The following RIT2 variants were observed in gnomAD, a reference collection of about 807,000 sequenced individuals.
RIT2 encodes GTP-binding protein Rit2.
Under a neutral mutation model 23.7 loss-of-function variants are expected in RIT2, and 24 were observed. That is an observed-to-expected ratio of 1.01 (90% CI 0.73 to 1.43). The LOEUF is 1.43. RIT2 is among the 40% of genes most tolerant of loss of function. The probability of loss-of-function intolerance (pLI) is 0.00; values close to 1 mark genes in which losing one functional copy is unlikely to be tolerated. For synonymous variants in RIT2, 107 were observed against 91.1 expected (o/e 1.17, Z -0.99); for missense variants, 236 against 266.9 (o/e 0.88, Z 0.81).
At chr18:43,105,604 A>T (rs1913804780) in intron 1 of RIT2, among the ~76,000 whole-genome samples, 1 of 151,928 alleles carries the variant, frequency 6.6e-6, no homozygotes. Flanking sequence ...CTACCCAGCA[A>T]TTCTCTGAGG....
chr18:42,969,197 T>G (rs1910305340), intron 3 of RIT2, among the ~76,000 whole-genome samples: 1 of 152,164 alleles, frequency 6.6e-6, no homozygotes, highest in African/African-American at 2.4e-5. Context: ...TGATTTGGAA[T>G]TTTATTTCCA....
intron 4 of RIT2, among the ~76,000 whole-genome samples, chr18:42,843,612 C>T (rs1488203097): frequency 6.6e-6 from 1 of 152,142 alleles, no homozygotes; most frequent in Non-Finnish European, 1.5e-5. Context: ...TAAGTCTGTT[C>T]ATTTATCATT....
chr18:43,045,838 T>G (rs1374613168), intron 1 of RIT2, among the ~76,000 whole-genome samples: 1 of 152,032 alleles, frequency 6.6e-6, no homozygotes. Context: ...CCATAGTCCT[T>G]CATGAAAAAA....
At position 42,802,076 on chromosome 18, in the gene RIT2, C is replaced by A. The variant is rs116272278; in HGVS notation, c.427-58356G>T. ...AGGCATGAAAACAATGCAAGAAACA[C>A]AAATCATGAAGCCCACATGCAGAAA... On this transcript the variant is annotated intron_variant, in intron 4 of 4. Transcript: ENST00000326695. 2.7e-3 allele frequency among the ~76,000 whole-genome samples: 414 copies of A among 152,188 alleles called. 4 individuals are homozygous for A. Among genetic ancestry groups the A allele is most frequent in the African/African-American group, 9.5e-3 (393 of 41,518 alleles).
intron 1 of RIT2, among the ~76,000 whole-genome samples, chr18:43,086,197 CT>C (rs1428784239): frequency 6.6e-6 from 1 of 152,100 alleles, no homozygotes; most frequent in South Asian, 2.1e-4. Context: ...ATGAGCATAT[CT>C]TTTGAGTGTC....
chr18:42,795,313 G>A (rs936148681), intron 4 of RIT2, among the ~76,000 whole-genome samples: 2 of 152,230 alleles, frequency 1.3e-5, no homozygotes, highest in Non-Finnish European at 2.9e-5. Flanking sequence ...TTCCGGGTGG[G>A]CGTGGGCTTG....
chr18:42,966,454 C>A (rs913410526), intron 3 of RIT2, among the ~76,000 whole-genome samples: 43 of 151,814 alleles, frequency 2.8e-4, no homozygotes, highest in African/African-American at 1.0e-3. Context: ...TCTAATTTGG[C>A]AAATTTAGTA....
intron 4 of RIT2, among the ~76,000 whole-genome samples, chr18:42,744,223 C>T (rs1287299189): frequency 6.6e-6 from 1 of 152,120 alleles, no homozygotes; most frequent in Non-Finnish European, 1.5e-5. Flanking sequence ...GGACTCAGCC[C>T]GCCTGCACCC....
At chr18:43,074,519 A>G (rs1253296736) in intron 1 of RIT2, among the ~76,000 whole-genome samples, 2 of 152,176 alleles carry the variant, frequency 1.3e-5, no homozygotes, top group Non-Finnish European at 2.9e-5. Flanking sequence ...AATTTACCCA[A>G]ACTGGGATCT....
chr18:42,910,643 T>C (rs1466725969), intron 4 of RIT2, among the ~76,000 whole-genome samples: 1 of 152,068 alleles, frequency 6.6e-6, no homozygotes, highest in Non-Finnish European at 1.5e-5. Context: ...AAGAAGCACC[T>C]GAATGTTGAG....
intron 3 of RIT2, among the ~76,000 whole-genome samples, chr18:42,932,851 GT>G (rs5824458): frequency 9.9e-5 from 15 of 150,816 alleles, no homozygotes; most frequent in East Asian, 5.8e-4. Flanking sequence ...TATTCTTCCT[GT>G]TTTTTTTTAT....
intron 1 of RIT2, among the ~76,000 whole-genome samples, chr18:43,036,690 C>T (rs907947027): frequency 1.2e-4 from 19 of 152,106 alleles, no homozygotes; most frequent in African/African-American, 4.3e-4. Context: ...TCTTCTGACC[C>T]ACCGCTGAGA....
intron 4 of RIT2, among the ~76,000 whole-genome samples, chr18:42,874,582 C>A (rs1037231430): frequency 7.2e-5 from 11 of 152,028 alleles, no homozygotes; most frequent in African/African-American, 2.7e-4. Context: ...TGTGCAGGAC[C>A]AAGGACCTTT....
chr18:43,028,888 C>T (rs1911792012), intron 2 of RIT2, among the ~76,000 whole-genome samples: 1 of 151,932 alleles, frequency 6.6e-6, no homozygotes, highest in Admixed American at 6.6e-5. Flanking sequence ...ACAGAACAGG[C>T]CATTTTAGTG....
chr18:42,839,533 T>C (rs1906707467), intron 4 of RIT2, among the ~76,000 whole-genome samples: 1 of 152,330 alleles, frequency 6.6e-6, no homozygotes, highest in Admixed American at 6.5e-5. Flanking sequence ...GAAAATTCCA[T>C]AGTATGAATC....
chr18:43,079,042 G>A (rs1281000897), intron 1 of RIT2, among the ~76,000 whole-genome samples: 1 of 151,856 alleles, frequency 6.6e-6, no homozygotes, highest in Non-Finnish European at 1.5e-5. Flanking sequence ...TTTTTTCTTG[G>A]GCAAACATCA....
chr18:43,043,377 G>A (rs569056900), intron 1 of RIT2, among the ~76,000 whole-genome samples: 1 of 152,182 alleles, frequency 6.6e-6, no homozygotes, highest in South Asian at 2.1e-4. Flanking sequence ...TATGCACCAC[G>A]TGGGCCATTG....
At chr18:43,018,487 C>T (rs1197804338) in intron 2 of RIT2, among the ~76,000 whole-genome samples, 4 of 151,366 alleles carry the variant, frequency 2.6e-5, no homozygotes, top group Non-Finnish European at 5.9e-5. Context: ...TAAATGTATC[C>T]CCAAATCAAA....
chr18:43,081,409 C>A (rs956745368), intron 1 of RIT2, among the ~76,000 whole-genome samples: 2 of 152,110 alleles, frequency 1.3e-5, no homozygotes, highest in Admixed American at 6.5e-5. Context: ...ATCAATCAAT[C>A]CATCTCAGTA....
Sources: allele counts gnomAD v4.1 joint callset (sites outside exome capture counted in the v4.1 genomes callset), GRCh38; gene constraint gnomAD v4.1.1; transcripts MANE v1.5; gene names NCBI Gene and HGNC (gene_info 2026-07-23, HGNC 2026-07-21).